Variants in CENPO observed in about 807,000 individuals in gnomAD.
CENPO encodes the protein centromeric protein O.
Under a neutral mutation model 36.1 loss-of-function variants are expected in CENPO, and 30 were observed. The observed-to-expected ratio is 0.83, with a 90% CI of 0.62 to 1.13. The LOEUF (loss-of-function observed/expected upper bound fraction) is 1.13. Among genes scored for constraint, CENPO ranks in the 50% most tolerant of loss-of-function variants. The pLI is 0.00. For synonymous variants in CENPO, 171 were observed against 142.3 expected, an observed-to-expected ratio of 1.20 and a Z score of -1.44; for missense variants, 349 against 357.8, an observed-to-expected ratio of 0.98 and a Z score of 0.20.
At position 24,816,814 on chromosome 2, in the gene CENPO, C is replaced by T; in HGVS notation, c.763C>T (p.Gln255Ter). 1 of 1,597,338 alleles carries T rather than the reference C, an allele frequency of 6.3e-7. No individual in the cohort carries two copies. The highest frequency in any genetic ancestry group is 8.5e-7 in the Non-Finnish European group (1 of 1,171,964). ...TCCCACTGACGTCACCGTGACATGTCAAGGTAAGAAGGGTGCCTCAGTGCA... is the reference window on the plus strand; with the variant it reads ...TCCCACTGACGTCACCGTGACATGTTAAGGTAAGAAGGGTGCCTCAGTGCA... ...TLPTDVTVTCQGVEVLSTSWE... is the reference protein window; with the variant it reads ...TLPTDVTVTC Residue 255 changes from glutamine (Q) to a stop codon, truncating the protein, a stop_gained, in exon 6 of 8, where the codon CAA becomes TAA. Coordinates refer to ENST00000380834, the MANE Select transcript of CENPO (RefSeq NM_001322101.2). LOFTEE classifies it high-confidence loss of function.
Position 24,820,818 on chromosome 2 carries a change from AC to A in CENPO, c.*1504del. On this transcript the variant is annotated 3_prime_UTR_variant, in exon 8 of 8. Coordinates refer to ENST00000380834, the MANE Select transcript of CENPO (RefSeq NM_001322101.2). ...GTAGTGTGGTTTCCGGGCTCCGATG[AC>A]CCCAGCCAGAACCCCGCCTTTGTTC... 1 of 1,613,770 alleles carries A rather than the reference AC, an allele frequency of 6.2e-7. No individual in the cohort carries two copies. Among genetic ancestry groups the A allele is most frequent in the Non-Finnish European group, 8.5e-7 (1 of 1,179,924 alleles).
At position 24,796,811 on chromosome 2, in the gene CENPO, G is replaced by A. The variant is rs146803756; in HGVS notation, c.46+2846G>A. Among the ~76,000 whole-genome samples, 525 of 152,270 alleles carry A rather than the reference G, an allele frequency of 3.4e-3. 2 individuals are homozygous for A. The highest frequency in any genetic ancestry group is 6.1e-3 in the Non-Finnish European group (415 of 68,028). The stretch of plus-strand genomic sequence containing the variant: ...CGAGCTAGAGTAGCTGCAGGTGAAG[G>A]TGGATAAGGGGCGGCTGTGGAAGAG... On this transcript the variant is annotated intron_variant, in intron 2 of 7. Coordinates refer to ENST00000380834, the MANE Select transcript of CENPO (RefSeq NM_001322101.2).
intron 3 of CENPO, among the ~76,000 whole-genome samples, chr2:24,804,980 G>T (rs1018974798): frequency 2.6e-5 from 4 of 152,062 alleles, no homozygotes; most frequent in Admixed American, 2.6e-4. Flanking sequence ...ACGTAGATTT[G>T]GTCTTTTCAC....
At chr2:24,795,274 T>G (rs930304891) in intron 2 of CENPO, among the ~76,000 whole-genome samples, 2 of 152,158 alleles carry the variant, frequency 1.3e-5, no homozygotes, top group Non-Finnish European at 2.9e-5. Context: ...CCTCTGCTTG[T>G]TTGATTTCAG....
chr2:24,816,509 C>T (rs1254643197), intron 5 of CENPO, 137 bp from the exon 6 acceptor site: 2 of 659,746 alleles, frequency 3.0e-6, no homozygotes, highest in Non-Finnish European at 5.0e-6. Flanking sequence ...TTTTTCAGAC[C>T]TTTTTCTGTC....
In CENPO at chr2:24,820,263, T is replaced by C. The variant is rs1026096548; in HGVS notation, c.*945T>C. The C allele has an allele frequency of 1.1e-4, 128 of 1,201,730 alleles. No individual in the cohort carries two copies. Among genetic ancestry groups the C allele is most frequent in the Non-Finnish European group, 1.3e-4 (123 of 917,682 alleles). The allele number at this position is 1,201,730 out of a possible 1,614,324, so 74.4% of individuals were successfully genotyped here. A position where few individuals can be genotyped will look rare whatever the true frequency, so the allele number is the denominator to read the frequency against. On this transcript the variant is annotated 3_prime_UTR_variant, in exon 8 of 8. Coordinates refer to ENST00000380834, the MANE Select transcript of CENPO (RefSeq NM_001322101.2). ...CCCAAACCTCCCAGGGCCAAGCCCT[T>C]CCACCCGTGGCGAGCAGCGGGTGGG...
chr2:24,809,280 T>C (rs1204113865), intron 3 of CENPO, among the ~76,000 whole-genome samples: 1 of 152,206 alleles, frequency 6.6e-6, no homozygotes, highest in Non-Finnish European at 1.5e-5. Flanking sequence ...TTGTGCCTTT[T>C]TTCAAAGAAC....
chr2:24,815,740 AG>A lies in CENPO; in HGVS notation c.580del (p.Ala194GlnfsTer12), dbSNP rs1434632081. On this transcript the variant is annotated frameshift_variant, in exon 5 of 8. Coordinates refer to ENST00000380834, the MANE Select transcript of CENPO (RefSeq NM_001322101.2). LOFTEE classifies it high-confidence loss of function. ...YLNAYSGRKY[Q>X]ADRLQSDFAA... ...AATGCTTACTCTGGGAGGAAGTACC[AG>A]GCAGACCGGCTTCAGGTATCTCTCT... 6.2e-7 allele frequency: 1 copy of A among 1,614,154 alleles called. No individual in the cohort carries two copies. The highest frequency in any genetic ancestry group is 2.2e-5 in the East Asian group (1 of 44,890).
intron 2 of CENPO, among the ~76,000 whole-genome samples, chr2:24,798,707 G>T (rs1030474231): frequency 2.0e-5 from 3 of 152,004 alleles, no homozygotes; most frequent in Non-Finnish European, 4.4e-5. Flanking sequence ...TGATCCACCC[G>T]CCTCGGCCTC....
rs1667616538 is a variant in CENPO, at chr2:24,821,084, T to C, written c.*1766T>C. The C allele has an allele frequency of 1.8e-6, 1 of 546,608 alleles. No individual in the cohort carries two copies. 33.9% of individuals were successfully genotyped at this position (546,608 alleles called of 1,614,324 possible). On this transcript the variant is annotated 3_prime_UTR_variant, in exon 8 of 8. Transcript: ENST00000380834. ...TATGCAGATTTACTCGGCATGGTAGTGGCCAGCTTCTAACACAGCTGGTAT... is the reference window on the plus strand; with the variant it reads ...TATGCAGATTTACTCGGCATGGTAGCGGCCAGCTTCTAACACAGCTGGTAT...
Position 24,821,214 on chromosome 2 carries a change from T to G in CENPO, c.*1896T>G. On this transcript the variant is annotated 3_prime_UTR_variant, in exon 8 of 8. Coordinates refer to ENST00000380834, the MANE Select transcript of CENPO (RefSeq NM_001322101.2). Reference sequence around the variant, plus strand: ...CAGGCCTGTCTGGGAAGCCATGTCCTCAGCAGGCACAGCAACCCCTCTGGA... The same window carrying G: ...CAGGCCTGTCTGGGAAGCCATGTCCGCAGCAGGCACAGCAACCCCTCTGGA... 1 of 447,546 alleles carries G rather than the reference T, an allele frequency of 2.2e-6. No individual in the cohort carries two copies. Among genetic ancestry groups the G allele is most frequent in the Non-Finnish European group, 4.0e-6 (1 of 250,310 alleles). The allele number at this position is 447,546 out of a possible 1,614,324, so 27.7% of individuals were successfully genotyped here. A position where few individuals can be genotyped will look rare whatever the true frequency, so the allele number is the denominator to read the frequency against.
At chr2:24,803,482 G>C (rs572185727) in intron 3 of CENPO, among the ~76,000 whole-genome samples, 39 of 151,796 alleles carry the variant, frequency 2.6e-4, no homozygotes, top group African/African-American at 5.8e-4. Flanking sequence ...ATAAATTTCC[G>C]TCTACACACT....
At chr2:24,809,429 T>G (rs1484143943) in intron 3 of CENPO, among the ~76,000 whole-genome samples, 1 of 152,186 alleles carries the variant, frequency 6.6e-6, no homozygotes, top group Non-Finnish European at 1.5e-5. Context: ...TTATTGATAT[T>G]TTTTAGTCTT....
chr2:24,805,721 G>A (rs183993940), intron 3 of CENPO, among the ~76,000 whole-genome samples: 7 of 152,314 alleles, frequency 4.6e-5, no homozygotes, highest in Admixed American at 1.3e-4. Flanking sequence ...TGTGTGAGGT[G>A]TCAGTCTGCC....
rs1386615202 is a variant in CENPO at position 24,799,612 on chromosome 2, C to T, written c.47-63C>T. On this transcript the variant is annotated intron_variant, in intron 2 of 7. Coordinates refer to ENST00000380834, the MANE Select transcript of CENPO (RefSeq NM_001322101.2). ...GAGTCACCTGTTCTTCCCTGAGATG[C>T]TTCCTGTTGCCACAGTGAGAAATCC... is the stretch of plus-strand genomic sequence containing the variant. 3.7e-6 allele frequency: 5 copies of T among 1,350,152 alleles called. No homozygotes were observed. In the Admixed American group the frequency reaches 1.1e-4, roughly 29 times the overall value. The allele number at this position is 1,350,152 out of a possible 1,614,324, so 83.6% of individuals were successfully genotyped here.
In CENPO at chr2:24,816,932, A is replaced by G. The variant is rs1666961420; in HGVS notation, c.766+115A>G. The G allele has an allele frequency of 7.6e-6, 7 of 916,090 alleles. No homozygotes were observed. The Admixed American group carries it at 2.0e-4, about 26-fold the overall frequency. 56.7% of individuals were successfully genotyped at this position (916,090 alleles called of 1,614,324 possible). On this transcript the variant is annotated intron_variant, in intron 6 of 7. Transcript: ENST00000380834. The stretch of plus-strand genomic sequence containing the variant: ...CTTGAGACACTTTCTCTGTTTATAT[A>G]CTGTACATTACTCAGACCGGTAAGA...
chr2:24,819,589 G>A lies in CENPO; in HGVS notation c.*271G>A, dbSNP rs112196584. On this transcript the variant is annotated 3_prime_UTR_variant, in exon 8 of 8. Coordinates refer to ENST00000380834, the MANE Select transcript of CENPO (RefSeq NM_001322101.2). ...CCGCCTGTGCTCCCTCCACAGTCCC[G>A]GAAAGCCCAGCGGCAAAGGCAGCTT... 3.9e-3 allele frequency: 756 copies of A among 193,748 alleles called. 8 individuals are homozygous for A. Among genetic ancestry groups the A allele is most frequent in the African/African-American group, 0.016 (674 of 42,790 alleles). The allele number at this position is 193,748 out of a possible 1,614,324, so 12.0% of individuals were successfully genotyped here. A position where few individuals can be genotyped will look rare whatever the true frequency, so the allele number is the denominator to read the frequency against.
chr2:24,798,468 A>G (rs1033007050), intron 2 of CENPO, among the ~76,000 whole-genome samples: 2 of 151,990 alleles, frequency 1.3e-5, no homozygotes, highest in African/African-American at 4.8e-5. Context: ...TTGATCTCAC[A>G]CAAATTTTTT....
intron 4 of CENPO, 30 bp from the exon 5 acceptor site, chr2:24,815,467 T>C: frequency 6.2e-7 from 1 of 1,605,528 alleles, no homozygotes. Flanking sequence ...TGGCCTGCTG[T>C]CTATTGAGGT....
Sources: gnomAD v4.1 joint callset for allele counts (sites outside exome capture counted in the v4.1 genomes callset) on GRCh38, gnomAD v4.1.1 for gene constraint, MANE v1.5 for transcripts, NCBI Gene and HGNC (gene_info 2026-07-23, HGNC 2026-07-21) for gene names.